Variants in CATSPER3 observed in about 807,000 individuals in gnomAD.
CATSPER3 encodes the protein cation channel sperm-associated protein 3.
In CATSPER3, 23 loss-of-function variants were observed where a neutral mutation model predicts 36.6. That is an observed-to-expected ratio of 0.63 (90% CI 0.45 to 0.89). The LOEUF is 0.89. CATSPER3 is among the 40% of genes least tolerant of loss of function. The probability of loss-of-function intolerance (pLI) is 0.00; values close to 1 mark genes in which losing one functional copy is unlikely to be tolerated. For synonymous variants in CATSPER3, 172 were observed against 184.1 expected (o/e 0.93, Z 0.53); for missense variants, 474 against 503.9 (o/e 0.94, Z 0.57).
intron 1 of CATSPER3, 64 bp from the exon 2 acceptor site, chr5:134,969,875 T>C: frequency 6.5e-7 from 1 of 1,533,994 alleles, no homozygotes. Context: ...CAAAAAGGTA[T>C]GCATTTTATG....
At chr5:135,000,809 CTTTTCTTCTTTA>C (rs540017822) in intron 3 of CATSPER3, among the ~76,000 whole-genome samples, 185 of 152,224 alleles carry the variant, frequency 1.2e-3, no homozygotes, top group Non-Finnish European at 1.5e-3. Context: ...ATTCTTCTCT[CTTTTCTTCTTTA>C]TTAGTCTTGC....
At position 135,010,476 on chromosome 5, in the gene CATSPER3, C is replaced by G. The variant is rs867207499; in HGVS notation, c.1040C>G (p.Pro347Arg). ...TTGGATGATTTTGGCACTAGCTTAC[C>G]CTTCATCGATATCTACTTTTCCACT... Reference protein sequence around the residue: ...MVLDDFGTSLPFIDIYFSTLD... With the variant: ...MVLDDFGTSLRFIDIYFSTLD... The change falls in exon 7 of 8, where the codon CCC (proline) becomes CGC (arginine). Residue 347 changes from proline (P) to arginine (R), a missense_variant. Transcript: ENST00000282611. 1.2e-6 allele frequency: 2 copies of G among 1,613,988 alleles called. No individual in the cohort carries two copies. Among genetic ancestry groups the G allele is most frequent in the Middle Eastern group, 3.3e-4 (2 of 6,062 alleles).
At chr5:135,004,133 C>T (rs114051743) in intron 3 of CATSPER3, among the ~76,000 whole-genome samples, 39 of 152,354 alleles carry the variant, frequency 2.6e-4, no homozygotes, top group Admixed American at 6.5e-4. Context: ...GTCCCCCACC[C>T]GCATTCAGTT....
rs748481281 is a variant in CATSPER3 at position 134,996,430 on chromosome 5, A to C, written c.410A>C (p.Lys137Thr). Residue 137 changes from lysine to threonine, a missense_variant, in exon 3 of 8, where the codon AAA becomes ACA. By Grantham distance (78) the Lys-to-Thr change is moderately conservative. Coordinates refer to ENST00000282611, the MANE Select transcript of CATSPER3 (RefSeq NM_178019.3). ...LPYALRQLMG[K>T]QFTYLYIADG... Reference sequence around the variant, plus strand: ...TATGCCCTCCGCCAGCTCATGGGCAAACAGTTCACTTACCTGTATATCGCT... The same window carrying C: ...TATGCCCTCCGCCAGCTCATGGGCACACAGTTCACTTACCTGTATATCGCT... 6.2e-7 allele frequency: 1 copy of C among 1,614,104 alleles called. No homozygotes were observed. Among genetic ancestry groups the C allele is most frequent in the Non-Finnish European group, 8.5e-7 (1 of 1,179,924 alleles).
At chr5:134,980,390 C>G (rs1198744195) in intron 2 of CATSPER3, among the ~76,000 whole-genome samples, 2 of 147,380 alleles carry the variant, frequency 1.4e-5, no homozygotes, top group Non-Finnish European at 3.0e-5. Flanking sequence ...CCCTCCTTCC[C>G]TCCTTCCCTC....
At position 135,000,693 on chromosome 5, in the gene CATSPER3, C is replaced by G. The variant is rs140593341; in HGVS notation, c.492+4181C>G. 4.5e-3 allele frequency among the ~76,000 whole-genome samples: 681 copies of G among 152,248 alleles called. 1 individual carries two copies. The highest frequency in any genetic ancestry group is 6.9e-3 in the Non-Finnish European group (467 of 68,020). On this transcript the variant is annotated intron_variant, in intron 3 of 7. Coordinates refer to ENST00000282611, the MANE Select transcript of CATSPER3 (RefSeq NM_178019.3). ...AATTTATCCATTTCTTCTAGATTTT[C>G]TAGTTTATTTGTGTAGAGGTGTTCA...
intron 3 of CATSPER3, among the ~76,000 whole-genome samples, chr5:135,000,627 C>A (rs1490136640): frequency 6.6e-6 from 1 of 152,196 alleles, no homozygotes; most frequent in African/African-American, 2.4e-5. Context: ...AGGGATTCAA[C>A]TTCTTCCTGG....
Position 134,970,112 on chromosome 5 carries a change from C to G in CATSPER3, c.252+20C>G. 1 of 1,609,746 alleles carries G rather than the reference C, an allele frequency of 6.2e-7. No homozygotes were observed. The highest frequency in any genetic ancestry group is 8.5e-7 in the Non-Finnish European group (1 of 1,176,442). ...CTTGAGGTAAGCAGACAAAATGGGTCCATTTTCTTCTTTTTTTAAAACATG... is the reference window on the plus strand; with the variant it reads ...CTTGAGGTAAGCAGACAAAATGGGTGCATTTTCTTCTTTTTTTAAAACATG... On this transcript the variant is annotated intron_variant, in intron 2 of 7. Transcript: ENST00000282611.
intron 3 of CATSPER3, among the ~76,000 whole-genome samples, chr5:135,004,134 G>A (rs963516321): frequency 2.8e-4 from 43 of 152,206 alleles, no homozygotes; most frequent in East Asian, 9.6e-4. Flanking sequence ...TCCCCCACCC[G>A]CATTCAGTTG....
At chr5:134,977,897 TGAGAGAGAGAGCAA>T (rs1306559483) in intron 2 of CATSPER3, among the ~76,000 whole-genome samples, 4 of 151,898 alleles carry the variant, frequency 2.6e-5, no homozygotes, top group Non-Finnish European at 4.4e-5. Flanking sequence ...TGTCACATGG[TGAGAGAGAGAGCAA>T]GAGAGAGAGG....
intron 2 of CATSPER3, among the ~76,000 whole-genome samples, chr5:134,984,152 T>A (rs926347328): frequency 6.6e-6 from 1 of 152,118 alleles, no homozygotes; most frequent in African/African-American, 2.4e-5. Flanking sequence ...GAATAAAGAC[T>A]TACATCTAAC....
At chr5:134,990,099 T>C (rs1751859633) in intron 2 of CATSPER3, among the ~76,000 whole-genome samples, 5 of 152,120 alleles carry the variant, frequency 3.3e-5, no homozygotes. Context: ...GTTTATGCCA[T>C]CCCAAGCAAT....
intron 1 of CATSPER3, chr5:134,968,389 A>G (rs916644633): frequency 2.7e-6 from 1 of 377,110 alleles, no homozygotes; most frequent in South Asian, 2.3e-5. Context: ...ATATCTTGAT[A>G]TATTAGAAAA....
At chr5:135,004,647 G>C (rs978228799) in intron 3 of CATSPER3, among the ~76,000 whole-genome samples, 8 of 152,162 alleles carry the variant, frequency 5.3e-5, no homozygotes, top group African/African-American at 1.9e-4. Context: ...ACTAGAGAGG[G>C]AAGTCCAGGG....
chr5:134,970,311 G>T (rs529782792), intron 2 of CATSPER3, among the ~76,000 whole-genome samples: 34 of 151,940 alleles, frequency 2.2e-4, no homozygotes, highest in African/African-American at 8.0e-4. Context: ...ATAGGCACCC[G>T]CCACCACGCC....
At chr5:134,987,813 C>T (rs1751829799) in intron 2 of CATSPER3, among the ~76,000 whole-genome samples, 1 of 152,092 alleles carries the variant, frequency 6.6e-6, no homozygotes, top group African/African-American at 2.4e-5. Flanking sequence ...TGATAAAGGG[C>T]ATTTATGAAA....
intron 4 of CATSPER3, among the ~76,000 whole-genome samples, chr5:135,008,442 T>A (rs1752119110): frequency 6.6e-6 from 1 of 152,188 alleles, no homozygotes. Context: ...ATGAAACCCA[T>A]GTCATATAGC....
intron 2 of CATSPER3, among the ~76,000 whole-genome samples, chr5:134,985,026 C>T (rs572546233): frequency 4.7e-4 from 71 of 152,118 alleles, no homozygotes; most frequent in Non-Finnish European, 9.4e-4. Context: ...GCCATGTTGG[C>T]CAGGCTGGTC....
chr5:134,984,972 C>T (rs184926959), intron 2 of CATSPER3, among the ~76,000 whole-genome samples: 2 of 152,296 alleles, frequency 1.3e-5, no homozygotes, highest in East Asian at 3.9e-4. Context: ...GCATACGCCA[C>T]CACGCCTGGC....
Sources: allele counts gnomAD v4.1 joint callset (sites outside exome capture counted in the v4.1 genomes callset), GRCh38; gene constraint gnomAD v4.1.1; transcripts MANE v1.5; gene names NCBI Gene and HGNC (gene_info 2026-07-23, HGNC 2026-07-21).